SDK1: variants seen among roughly 807,000 people sequenced by gnomAD.
The protein encoded by SDK1 is protein sidekick-1.
Under a neutral mutation model 245.5 loss-of-function variants are expected in SDK1, and 157 were observed. The observed-to-expected ratio is 0.64, with a 90% CI of 0.56 to 0.73. The LOEUF is 0.73. SDK1 is among the 30% of genes least tolerant of loss of function. SDK1 has a pLI of 0.00. For synonymous variants in SDK1, 1,647 were observed against 1,278.5 expected (o/e 1.29, Z -6.15); for missense variants, 3,583 against 3,002.3 (o/e 1.19, Z -4.52).
intron 4 of SDK1, among the ~76,000 whole-genome samples, chr7:3,741,154 C>T (rs1471458805): frequency 6.6e-6 from 1 of 152,194 alleles, no homozygotes; most frequent in African/African-American, 2.4e-5. Flanking sequence ...ATGTGCTGAG[C>T]ACTCTCTGAA....
At chr7:4,039,611 T>C (rs1034747899) in intron 17 of SDK1, among the ~76,000 whole-genome samples, 1 of 152,226 alleles carries the variant, frequency 6.6e-6, no homozygotes, top group Non-Finnish European at 1.5e-5. Flanking sequence ...GAAAAACTCA[T>C]GAATATAAAT....
intron 4 of SDK1, among the ~76,000 whole-genome samples, chr7:3,662,199 G>A (rs1327949825): frequency 6.6e-6 from 1 of 152,032 alleles, no homozygotes; most frequent in African/African-American, 2.4e-5. Flanking sequence ...AATAACAATA[G>A]GTAAAATGGA....
intron 40 of SDK1, among the ~76,000 whole-genome samples, chr7:4,226,338 G>C (rs1377802573): frequency 1.3e-5 from 2 of 152,174 alleles, no homozygotes; most frequent in Admixed American, 6.5e-5. Context: ...TCTCTATCCA[G>C]CTGAGTCTCT....
chr7:4,096,066 T>C (rs954472627), intron 22 of SDK1, among the ~76,000 whole-genome samples: 6 of 152,252 alleles, frequency 3.9e-5, no homozygotes, highest in African/African-American at 1.4e-4. Flanking sequence ...GAAATGTAGC[T>C]GTAAAGCGTC....
At chr7:3,842,765 T>G (rs1780190645) in intron 5 of SDK1, among the ~76,000 whole-genome samples, 1 of 152,136 alleles carries the variant, frequency 6.6e-6, no homozygotes, top group Admixed American at 6.5e-5. Context: ...TCACTTCTTC[T>G]TCACGGGAAT....
chr7:3,987,167 T>C lies in SDK1; in HGVS notation c.1995-19T>C, dbSNP rs954158135. 4 of 1,613,530 alleles carry C rather than the reference T, an allele frequency of 2.5e-6. No homozygotes were observed. The highest frequency in any genetic ancestry group is 2.5e-6 in the Non-Finnish European group (3 of 1,179,750). ...ACATGTGTTTTCCTCTTTTTCCTTT[T>C]CATCCCATTCAATTCAAGTGAACTG... On this transcript the variant is annotated intron_variant, in intron 13 of 44. Transcript: ENST00000404826.
intron 1 of SDK1, among the ~76,000 whole-genome samples, chr7:3,394,471 G>GT (rs201529239): frequency 5.9e-5 from 9 of 151,472 alleles, no homozygotes; most frequent in South Asian, 2.1e-4. Context: ...AAGACCTCCA[G>GT]TTTTTTTTCA....
chr7:3,962,926 A>G, intron 9 of SDK1, 75 bp downstream of exon 9: 1 of 660,816 alleles, frequency 1.5e-6, no homozygotes. Flanking sequence ...GGCTACCTGG[A>G]TGTAACCAGT....
At position 3,906,401 on chromosome 7, in the gene SDK1, A is replaced by T. The variant is rs113774110; in HGVS notation, c.848-44522A>T. Among the ~76,000 whole-genome samples the T allele has an allele frequency of 2.3e-3, 307 of 134,134 alleles. 1 individual carries two copies. Among genetic ancestry groups the T allele is most frequent in the African/African-American group, 8.9e-3 (251 of 28,346 alleles). The allele number at this position is 134,134 out of a possible 152,430, so 88.0% of individuals were successfully genotyped here. A position where few individuals can be genotyped will look rare whatever the true frequency, so the allele number is the denominator to read the frequency against. ...ATGCGTATGTGTGTGTGTGTGTGTG[A>T]GAGAGAGAGAGAGACAGAGAGCGCG... On this transcript the variant is annotated intron_variant, in intron 5 of 44. Coordinates refer to ENST00000404826, the MANE Select transcript of SDK1 (RefSeq NM_152744.4).
chr7:3,457,861 G>A (rs1284884688), intron 1 of SDK1, among the ~76,000 whole-genome samples: 2 of 152,078 alleles, frequency 1.3e-5, no homozygotes, highest in Non-Finnish European at 2.9e-5. Context: ...GTTTATTGGA[G>A]CACACCTTCT....
Position 4,228,859 on chromosome 7 carries a change from A to T in SDK1, c.5828-4396A>T, listed in dbSNP as rs149571176. ...GGCCCTTGCTTTTCCTACAACGGCA[A>T]CACAGCTCGTTCACTGGGGAAGAGA... is the stretch of plus-strand genomic sequence containing the variant. On this transcript the variant is annotated intron_variant, in intron 40 of 44. Transcript: ENST00000404826. Among the ~76,000 whole-genome samples the T allele has an allele frequency of 5.1e-4, 77 of 152,242 alleles. 2 individuals carry two copies. The highest frequency in any genetic ancestry group is 1.6e-3 in the African/African-American group (67 of 41,534).
At chr7:3,903,765 C>T (rs528351317) in intron 5 of SDK1, among the ~76,000 whole-genome samples, 5 of 152,156 alleles carry the variant, frequency 3.3e-5, no homozygotes, top group South Asian at 4.2e-4. Flanking sequence ...TTTGATCTCC[C>T]GTGTTGGAGG....
At chr7:3,906,277 C>A (rs554204068) in intron 5 of SDK1, among the ~76,000 whole-genome samples, 8 of 152,212 alleles carry the variant, frequency 5.3e-5, no homozygotes, top group African/African-American at 1.9e-4. Flanking sequence ...TATGTTTAAT[C>A]ATTTTTAACT....
intron 1 of SDK1, among the ~76,000 whole-genome samples, chr7:3,449,463 G>A (rs1174074539): frequency 6.6e-6 from 1 of 151,960 alleles, no homozygotes; most frequent in Admixed American, 6.6e-5. Context: ...TCTCTAGCCA[G>A]GAGTGGCTTG....
intron 5 of SDK1, among the ~76,000 whole-genome samples, chr7:3,893,325 G>C (rs894256916): frequency 5.3e-5 from 8 of 152,222 alleles, no homozygotes; most frequent in Admixed American, 3.3e-4. Flanking sequence ...TCTGCTCCTG[G>C]TCAGGATGGC....
chr7:3,930,477 A>G (rs939472341), intron 5 of SDK1, among the ~76,000 whole-genome samples: 21 of 152,362 alleles, frequency 1.4e-4, no homozygotes, highest in African/African-American at 5.1e-4. Flanking sequence ...CAAGAATACC[A>G]GTAAAGCCAG....
At chr7:3,668,676 A>G (rs1783607840) in intron 4 of SDK1, among the ~76,000 whole-genome samples, 1 of 152,138 alleles carries the variant, frequency 6.6e-6, no homozygotes, top group Non-Finnish European at 1.5e-5. Context: ...CTGTAATCCC[A>G]CCTACTCGGG....
chr7:4,139,986 C>G (rs945258469), intron 28 of SDK1, among the ~76,000 whole-genome samples: 11 of 152,122 alleles, frequency 7.2e-5, no homozygotes, highest in Non-Finnish European at 1.0e-4. Context: ...TGAGCCTATT[C>G]ATTGTGCACC....
At chr7:3,505,470 C>G (rs575993795) in intron 1 of SDK1, among the ~76,000 whole-genome samples, 1 of 152,300 alleles carries the variant, frequency 6.6e-6, no homozygotes, top group African/African-American at 2.4e-5. Context: ...CAGCTGGTCT[C>G]AAACTCCTAG....
Sources: allele counts gnomAD v4.1 joint callset (sites outside exome capture counted in the v4.1 genomes callset), GRCh38; gene constraint gnomAD v4.1.1; transcripts MANE v1.5; gene names NCBI Gene and HGNC (gene_info 2026-07-23, HGNC 2026-07-21).